The following LGR6 variants were observed in gnomAD, a reference collection of about 807,000 sequenced individuals.
LGR6 encodes the protein leucine-rich repeat-containing G protein-coupled receptor 6.
LGR6 carries 45 observed loss-of-function variants against 69.4 expected under a neutral mutation model. That is an observed-to-expected ratio of 0.65 (90% CI 0.51 to 0.83). The LOEUF is 0.83. Ranked by LOEUF, LGR6 falls within the 40% of genes least tolerant of loss-of-function variation. LGR6 has a pLI of 0.00. For missense variants in LGR6, 1,108 were observed against 1,246.7 expected, an observed-to-expected ratio of 0.89 and a Z score of 1.68; for synonymous variants, 538 against 555.0, an observed-to-expected ratio of 0.97 and a Z score of 0.43.
intron 1 of LGR6, among the ~76,000 whole-genome samples, chr1:202,205,799 C>T (rs1226344413): frequency 6.8e-6 from 1 of 147,918 alleles, no homozygotes; most frequent in Non-Finnish European, 1.5e-5. Context: ...CTCCTTCAAA[C>T]ATACACACCT....
chr1:202,254,358 T>C (rs1380296108), intron 4 of LGR6, among the ~76,000 whole-genome samples: 1 of 152,168 alleles, frequency 6.6e-6, no homozygotes, highest in Non-Finnish European at 1.5e-5. Flanking sequence ...ACTCTGGCTG[T>C]GAGGAGCTGG....
At chr1:202,229,753 G>T (rs1190264187) in intron 3 of LGR6, among the ~76,000 whole-genome samples, 1 of 152,160 alleles carries the variant, frequency 6.6e-6, no homozygotes, top group Non-Finnish European at 1.5e-5. Context: ...TCCCCACTTT[G>T]CCATTGAGCC....
At chr1:202,305,626 G>A (rs368406684) in intron 11 of LGR6, 58 bp from the exon 12 acceptor site, 310 of 1,479,668 alleles carry the variant, frequency 2.1e-4, no homozygotes, top group Middle Eastern at 1.6e-3. Flanking sequence ...CCCCGTCCCC[G>A]AGCAGCCCTC....
At chr1:202,266,926 AATTG>A (rs1341691898) in intron 4 of LGR6, among the ~76,000 whole-genome samples, 3 of 151,760 alleles carry the variant, frequency 2.0e-5, no homozygotes, top group South Asian at 4.2e-4. Flanking sequence ...ACACAATCAC[AATTG>A]ATTATTTGTT....
intron 3 of LGR6, among the ~76,000 whole-genome samples, chr1:202,232,046 C>T (rs1055856714): frequency 2.0e-5 from 3 of 151,520 alleles, no homozygotes; most frequent in African/African-American, 7.3e-5. Flanking sequence ...GAGCAACCTC[C>T]TTGAGAGTTG....
At position 202,276,461 on chromosome 1, in the gene LGR6, T is replaced by G. The variant is rs1279111734; in HGVS notation, c.584T>G (p.Leu195Arg). Residue 195 changes from leucine (L) to arginine (R), a missense_variant, in exon 5 of 18, where the codon CTC (leucine) becomes CGC (arginine). Transcript: ENST00000367278. ...GCCCTGCAGGCCATGACCCTGGCCCTCAACCGCATCAGCCACATCCCCGAC... is the reference window on the plus strand; with the variant it reads ...GCCCTGCAGGCCATGACCCTGGCCCGCAACCGCATCAGCCACATCCCCGAC... The part of the protein sequence containing the change: ...LPALQAMTLA[L>R]NRISHIPDYA... The G allele has an allele frequency of 6.2e-7, 1 of 1,614,186 alleles. No individual in the cohort carries two copies. The highest frequency in any genetic ancestry group is 1.7e-5 in the Admixed American group (1 of 60,028).
At chr1:202,281,196 G>A (rs754135738) in intron 6 of LGR6, among the ~76,000 whole-genome samples, 6 of 152,070 alleles carry the variant, frequency 3.9e-5, no homozygotes, top group Non-Finnish European at 7.4e-5. Context: ...TATGAAGCCC[G>A]GGGAATAGAA....
intron 4 of LGR6, among the ~76,000 whole-genome samples, chr1:202,264,908 G>C (rs1664523645): frequency 2.6e-5 from 4 of 152,162 alleles, no homozygotes; most frequent in Admixed American, 2.6e-4. Flanking sequence ...ACAGATGGAA[G>C]GAAAGGAGAG....
At chr1:202,301,903 C>T (rs746974976) in intron 9 of LGR6, among the ~76,000 whole-genome samples, 21 of 152,146 alleles carry the variant, frequency 1.4e-4, no homozygotes, top group Non-Finnish European at 2.4e-4. Context: ...CCTGTAATCC[C>T]AGCTACTCAG....
intron 1 of LGR6, among the ~76,000 whole-genome samples, chr1:202,205,661 C>T (rs1364739769): frequency 2.1e-5 from 3 of 143,442 alleles, no homozygotes; most frequent in African/African-American, 7.8e-5. Context: ...CACACGCACA[C>T]CTCCCTCAAA....
intron 6 of LGR6, among the ~76,000 whole-genome samples, chr1:202,295,938 G>C (rs1667130853): frequency 2.0e-5 from 3 of 150,830 alleles, no homozygotes; most frequent in Admixed American, 2.0e-4. Flanking sequence ...CTCACTGGCT[G>C]CCAGATGCTT....
rs139176827 is a variant in LGR6, at chr1:202,247,218, C to G, written c.428+11225C>G. ...AGCCACTGCTCCAATCCTCGCCACT[C>G]AAAGTGAGCTTCATTGGTCAGCAGC... On this transcript the variant is annotated intron_variant, in intron 4 of 17. Transcript: ENST00000367278. 6.6e-5 allele frequency among the ~76,000 whole-genome samples: 10 copies of G among 152,388 alleles called. No homozygotes were observed. The East Asian group carries it at 1.9e-3, about 29-fold the overall frequency.
At chr1:202,265,450 G>A in intron 4 of LGR6, among the ~76,000 whole-genome samples, 1 of 152,242 alleles carries the variant, frequency 6.6e-6, no homozygotes, top group East Asian at 1.9e-4. Flanking sequence ...GGTTCTCAGA[G>A]ACCAGGGTCT....
intron 6 of LGR6, among the ~76,000 whole-genome samples, chr1:202,286,927 C>T (rs1666435188): frequency 1.3e-5 from 2 of 152,108 alleles, no homozygotes; most frequent in Middle Eastern, 3.2e-3. Flanking sequence ...TCATTGCTGC[C>T]TCTCCCTCCC....
chr1:202,275,109 A>C (rs553381281), intron 4 of LGR6, among the ~76,000 whole-genome samples: 1 of 151,962 alleles, frequency 6.6e-6, no homozygotes, highest in African/African-American at 2.4e-5. Flanking sequence ...ACCCCATCCC[A>C]CCCTACTGAT....
chr1:202,248,471 C>T (rs577353012), intron 4 of LGR6, among the ~76,000 whole-genome samples: 4 of 152,298 alleles, frequency 2.6e-5, no homozygotes, highest in Admixed American at 2.0e-4. Flanking sequence ...TCGCCAAAGT[C>T]GCTTCCCTCC....
Position 202,304,539 on chromosome 1 carries a change from T to G in LGR6, c.999-20T>G. 6.3e-7 allele frequency: 1 copy of G among 1,587,658 alleles called. No individual in the cohort carries two copies. The highest frequency in any genetic ancestry group is 8.6e-7 in the Non-Finnish European group (1 of 1,159,932). On this transcript the variant is annotated intron_variant, in intron 10 of 17. Transcript: ENST00000367278. Reference sequence around the variant, plus strand: ...AGGGCCCTGGGCCTGGTGCCAGCTCTGTCTCTGTTCTCCCTGCAGGACCCT... The same window carrying G: ...AGGGCCCTGGGCCTGGTGCCAGCTCGGTCTCTGTTCTCCCTGCAGGACCCT...
At position 202,248,828 on chromosome 1, in the gene LGR6, C is replaced by G. The variant is rs558754665; in HGVS notation, c.428+12835C>G. On this transcript the variant is annotated intron_variant, in intron 4 of 17. Coordinates refer to ENST00000367278, the MANE Select transcript of LGR6 (RefSeq NM_001017403.2). ...TTCCACTTTTTCTCCAGAAGGTGTCCTGCCTTTATTGCCTGGTGAGTGGGG... is the reference window on the plus strand; with the variant it reads ...TTCCACTTTTTCTCCAGAAGGTGTCGTGCCTTTATTGCCTGGTGAGTGGGG... Among the ~76,000 whole-genome samples, 56 of 152,258 alleles carry G rather than the reference C, an allele frequency of 3.7e-4. 1 individual carries two copies. Among genetic ancestry groups the G allele is most frequent in the African/African-American group, 1.3e-3 (53 of 41,536 alleles).
At chr1:202,317,886 C>T in intron 17 of LGR6, 66 bp from the exon 18 acceptor site, 4 of 1,437,692 alleles carry the variant, frequency 2.8e-6, no homozygotes, top group Non-Finnish European at 3.8e-6. Flanking sequence ...CAGAGGCTGA[C>T]CTTGGTCCTG....
Sources: allele counts gnomAD v4.1 joint callset (sites outside exome capture counted in the v4.1 genomes callset), GRCh38; gene constraint gnomAD v4.1.1; transcripts MANE v1.5; gene names NCBI Gene and HGNC (gene_info 2026-07-23, HGNC 2026-07-21).